FRMD6: variants seen among roughly 807,000 people sequenced by gnomAD.
The protein encoded by FRMD6 is FERM domain-containing protein 6.
FRMD6 carries 37 observed loss-of-function variants against 73.2 expected under a neutral mutation model. That is an observed-to-expected ratio of 0.51 (90% CI 0.39 to 0.66). The LOEUF (loss-of-function observed/expected upper bound fraction) is 0.66. FRMD6 is among the 30% of genes least tolerant of loss of function. The pLI is 0.00. For synonymous variants in FRMD6, 273 were observed against 282.2 expected, an observed-to-expected ratio of 0.97 and a Z score of 0.33; for missense variants, 714 against 780.5, an observed-to-expected ratio of 0.91 and a Z score of 1.02.
the FRMD6 span, among the ~76,000 whole-genome samples, chr14:51,442,251 C>G: frequency 6.6e-6 from 1 of 152,128 alleles, no homozygotes; most frequent in Non-Finnish European, 1.5e-5. Context: ...TCCCTTCTCC[C>G]CTCCTCCGCT....
At chr14:51,708,012 G>A (rs933368870) in intron 6 of FRMD6, 66 bp from the exon 7 acceptor site, 3 of 1,450,594 alleles carry the variant, frequency 2.1e-6, no homozygotes, top group Admixed American at 3.5e-5. Context: ...CATCATTTTG[G>A]GGGTGGGGGT....
intron 2 of FRMD6, among the ~76,000 whole-genome samples, chr14:51,576,745 G>A (rs951350032): frequency 2.0e-5 from 3 of 152,098 alleles, no homozygotes; most frequent in Non-Finnish European, 2.9e-5. Context: ...ACATACGCAC[G>A]CTGGAGACAG....
intron 1 of FRMD6, among the ~76,000 whole-genome samples, chr14:51,545,025 C>T (rs1475206293): frequency 1.3e-5 from 2 of 152,106 alleles, no homozygotes; most frequent in African/African-American, 2.4e-5. Context: ...CATGGCAACA[C>T]ATGAATTAGG....
intron 1 of FRMD6, among the ~76,000 whole-genome samples, chr14:51,533,198 C>T (rs1885689369): frequency 6.6e-6 from 1 of 152,140 alleles, no homozygotes; most frequent in South Asian, 2.1e-4. Flanking sequence ...AAAGCCAAGA[C>T]CTACTTAGGT....
chr14:51,680,499 A>G (rs941776938), intron 1 of FRMD6, among the ~76,000 whole-genome samples: 6 of 152,198 alleles, frequency 3.9e-5, no homozygotes, highest in African/African-American at 1.4e-4. Context: ...AAAATTTAGA[A>G]ATGGTGTTGA....
chr14:51,668,306 TTA>T (rs1868950462), intron 1 of FRMD6, among the ~76,000 whole-genome samples: 1 of 152,168 alleles, frequency 6.6e-6, no homozygotes, highest in South Asian at 2.1e-4. Context: ...GATTTACTCT[TTA>T]GAACTTATTT....
intron 2 of FRMD6, among the ~76,000 whole-genome samples, chr14:51,645,307 C>T (rs1467752762): frequency 2.0e-5 from 3 of 152,196 alleles, no homozygotes; most frequent in African/African-American, 7.2e-5. Context: ...ATAGCTAGCA[C>T]ATCAGCATCT....
intron 1 of FRMD6, among the ~76,000 whole-genome samples, chr14:51,511,225 A>G (rs536009163): frequency 2.3e-3 from 351 of 152,334 alleles, no homozygotes; most frequent in Non-Finnish European, 4.4e-3. Flanking sequence ...AACTACAGTT[A>G]TTTACTTGTA....
chr14:51,725,913 A>T, intron 13 of FRMD6, 43 bp downstream of exon 13: 3 of 1,445,822 alleles, frequency 2.1e-6, no homozygotes, highest in Non-Finnish European at 2.9e-6. Flanking sequence ...AACTGAAGTT[A>T]TAGAAAATTT....
At chr14:51,509,288 C>T (rs1884150629) in intron 1 of FRMD6, among the ~76,000 whole-genome samples, 1 of 152,108 alleles carries the variant, frequency 6.6e-6, no homozygotes, top group Admixed American at 6.5e-5. Context: ...CTTTGGGAGG[C>T]CGAGGCTGGC....
the FRMD6 span, among the ~76,000 whole-genome samples, chr14:51,411,513 C>G: frequency 1.3e-5 from 2 of 152,284 alleles, no homozygotes; most frequent in East Asian, 3.9e-4. Flanking sequence ...GGAACCTCCC[C>G]CTTACATTGG....
intron 1 of FRMD6, among the ~76,000 whole-genome samples, chr14:51,658,328 T>C (rs1956584): frequency 0.82 from 123,663 of 151,036 alleles, 50,659 homozygotes; most frequent in East Asian, 0.9. Flanking sequence ...TTTCCCTTTT[T>C]TCTCTCTCTC....
At chr14:51,469,623 A>C in the FRMD6 span, among the ~76,000 whole-genome samples, 1 of 151,246 alleles carries the variant, frequency 6.6e-6, no homozygotes, top group African/African-American at 2.4e-5. Context: ...AAAAAGAAAA[A>C]AAAAAAAAAA....
rs191681012 is a variant in FRMD6 at position 51,532,083 on chromosome 14, T to C, written c.-209-38265T>C. Among the ~76,000 whole-genome samples the C allele has an allele frequency of 4.3e-3, 654 of 152,282 alleles. 8 individuals are homozygous for C. Among genetic ancestry groups the C allele is most frequent in the Non-Finnish European group, 4.9e-3 (335 of 68,014 alleles). On this transcript the variant is annotated intron_variant, in intron 1 of 14. Transcript: ENST00000356218. ...CTCTGGGGCTTTTTAAAAGAAATTATTGGGGCCAGGCGTGGTGGCTCACGC... is the reference window on the plus strand; with the variant it reads ...CTCTGGGGCTTTTTAAAAGAAATTACTGGGGCCAGGCGTGGTGGCTCACGC...
At chr14:51,599,785 A>G in intron 2 of FRMD6, 1 of 150,582 alleles carries the variant, frequency 6.6e-6, no homozygotes, top group South Asian at 2.1e-4. Context: ...AATGAATACC[A>G]CCCCCCAGGT....
chr14:51,729,836 G>C lies in FRMD6; in HGVS notation c.*1807G>C, dbSNP rs1022506760. 1 of 152,348 alleles carries C rather than the reference G, an allele frequency of 6.6e-6. No homozygotes were observed. Among genetic ancestry groups the C allele is most frequent in the Admixed American group, 6.6e-5 (1 of 15,264 alleles). 9.4% of individuals were successfully genotyped at this position (152,348 alleles called of 1,614,324 possible). A position where few individuals can be genotyped will look rare whatever the true frequency, so the allele number is the denominator to read the frequency against. ...GCTAGGTTCACCTGACACTTTAAAAGGAAAAAAAGTTCCATAGAGTTCTGT... is the reference window on the plus strand; with the variant it reads ...GCTAGGTTCACCTGACACTTTAAAACGAAAAAAAGTTCCATAGAGTTCTGT... On this transcript the variant is annotated 3_prime_UTR_variant, in exon 14 of 14. Coordinates refer to ENST00000344768, the MANE Select transcript of FRMD6 (RefSeq NM_001267046.2).
intron 1 of FRMD6, among the ~76,000 whole-genome samples, chr14:51,670,295 G>A (rs771574443): frequency 5.9e-5 from 9 of 152,034 alleles, no homozygotes; most frequent in Admixed American, 1.3e-4. Flanking sequence ...TGTTGCCCAG[G>A]CTGGCCTCAA....
At chr14:51,469,254 T>G in the FRMD6 span, among the ~76,000 whole-genome samples, 2 of 151,202 alleles carry the variant, frequency 1.3e-5, no homozygotes, top group African/African-American at 4.8e-5. Context: ...TTGTTTTTTG[T>G]TTTTTATTTT....
At chr14:51,541,409 T>A (rs1208736043) in intron 1 of FRMD6, among the ~76,000 whole-genome samples, 1 of 152,108 alleles carries the variant, frequency 6.6e-6, no homozygotes, top group African/African-American at 2.4e-5. Context: ...ACAAAACTCC[T>A]CTTCTCATGG....
Sources: gnomAD v4.1 joint callset for allele counts (sites outside exome capture counted in the v4.1 genomes callset) on GRCh38, gnomAD v4.1.1 for gene constraint, MANE v1.5 for transcripts, NCBI Gene and HGNC (gene_info 2026-07-23, HGNC 2026-07-21) for gene names.